Variants in SPAG1 observed in about 807,000 individuals in gnomAD.
SPAG1 encodes the protein sperm associated antigen 1.
In SPAG1, 69 loss-of-function variants were observed where a neutral mutation model predicts 100.5. The ratio of observed to expected loss-of-function variants is 0.69; its 90% confidence interval spans 0.57 to 0.84. The LOEUF (loss-of-function observed/expected upper bound fraction) is 0.84, where lower values mean the gene tolerates loss of function less well. Among genes scored for constraint, SPAG1 ranks in the 40% least tolerant of loss-of-function variants. The pLI, the probability that SPAG1 is intolerant of heterozygous loss-of-function variation, is 0.00. For synonymous variants in SPAG1, 336 were observed against 411.6 expected (o/e 0.82, Z 2.22); for missense variants, 955 against 1,133.1 (o/e 0.84, Z 2.26).
Position 100,203,372 on chromosome 8 carries a change from C to A in SPAG1, c.1096+9104C>A, listed in dbSNP as rs536744616. 3.3e-5 allele frequency among the ~76,000 whole-genome samples: 5 copies of A among 152,106 alleles called. No individual in the cohort carries two copies. In the South Asian group the frequency reaches 1.0e-3, roughly 32 times the overall value. Reference sequence around the variant, plus strand: ...TATTAGTTCTGTCCCTCTAGAGAAACCTGACTAGTATAGATTTTAGTACCC... The same window carrying A: ...TATTAGTTCTGTCCCTCTAGAGAAAACTGACTAGTATAGATTTTAGTACCC... On this transcript the variant is annotated intron_variant, in intron 10 of 18. Transcript: ENST00000388798.
At position 100,236,875 on chromosome 8, in the gene SPAG1, A is replaced by C. The variant is rs540734887; in HGVS notation, c.2116-2365A>C. Among the ~76,000 whole-genome samples, 9 of 152,346 alleles carry C rather than the reference A, an allele frequency of 5.9e-5. 2 individuals are homozygous for C. The highest frequency in any genetic ancestry group is 1.9e-4 in the African/African-American group (8 of 41,576). ...AAGAGGATGCTGTAGAGGATGATAC[A>C]TACAATTGTTATGTATCAATACAAA... On this transcript the variant is annotated intron_variant, in intron 16 of 18. Transcript: ENST00000388798.
At chr8:100,200,038 G>A (rs879463655) in intron 10 of SPAG1, among the ~76,000 whole-genome samples, 12 of 151,846 alleles carry the variant, frequency 7.9e-5, no homozygotes, top group Non-Finnish European at 1.8e-4. Context: ...ATGTTGGTGT[G>A]CTGCACCCAT....
Position 100,183,966 on chromosome 8 carries a change from G to A in SPAG1, c.499G>A (p.Glu167Lys). 6.6e-7 allele frequency: 1 copy of A among 1,512,916 alleles called. No homozygotes were observed. 93.7% of individuals were successfully genotyped at this position (1,512,916 alleles called of 1,614,324 possible). A position where few individuals can be genotyped will look rare whatever the true frequency, so the allele number is the denominator to read the frequency against. The part of the protein sequence containing the change: ...DYAEWDKFDV[E>K]KECLKIDEDY... The stretch of plus-strand genomic sequence containing the variant: ...GTTCTTTCATTTAAGATTTGACGTG[G>A]AGAAGGAATGTTTAAAAATTGATGA... The change falls in exon 6 of 19, where the codon GAG (glutamate) becomes AAG (lysine). Residue 167 changes from glutamate (E) to lysine (K), a missense_variant. By Grantham distance (56) the Glu-to-Lys change is moderately conservative. Coordinates refer to ENST00000388798, the MANE Select transcript of SPAG1 (RefSeq NM_003114.5).
At chr8:100,195,184 G>GA (rs974483481) in intron 10 of SPAG1, among the ~76,000 whole-genome samples, 1 of 148,734 alleles carries the variant, frequency 6.7e-6, no homozygotes, top group African/African-American at 2.5e-5. Flanking sequence ...AAAAGAAAAA[G>GA]AAAAAAAGGT....
At chr8:100,168,675 A>G (rs1815674509) in intron 3 of SPAG1, among the ~76,000 whole-genome samples, 1 of 78,118 alleles carries the variant, frequency 1.3e-5, no homozygotes. Context: ...ATGAGCCACC[A>G]TGCCCAGCCA....
intron 3 of SPAG1, among the ~76,000 whole-genome samples, chr8:100,176,907 C>T (rs1020187892): frequency 3.6e-5 from 5 of 137,164 alleles, no homozygotes; most frequent in Non-Finnish European, 6.3e-5. Flanking sequence ...CCCTCCCTCT[C>T]TCCTTTTCCC....
At chr8:100,216,592 AGCTGTTTTCTAGGCAAGGAACCTG>A (rs1442324225) in intron 12 of SPAG1, among the ~76,000 whole-genome samples, 2 of 152,038 alleles carry the variant, frequency 1.3e-5, no homozygotes, top group African/African-American at 4.8e-5. Flanking sequence ...TAACCTTAAG[AGCTGTTTTCTAGGCAAGGAACCTG>A]GCCTTGCTGG....
At chr8:100,175,583 C>T (rs1586407899) in intron 3 of SPAG1, among the ~76,000 whole-genome samples, 2 of 152,126 alleles carry the variant, frequency 1.3e-5, no homozygotes, top group Non-Finnish European at 2.9e-5. Flanking sequence ...CCGCACCCAG[C>T]TAGCACGCAG....
At position 100,170,830 on chromosome 8, in the gene SPAG1, TTTATTTA is replaced by T. The variant is rs1286477485; in HGVS notation, c.300+4860_300+4866del. Among the ~76,000 whole-genome samples the T allele has an allele frequency of 1.0e-4, 15 of 149,712 alleles. No individual in the cohort carries two copies. In the East Asian group the frequency reaches 1.2e-3, roughly 12 times the overall value. On this transcript the variant is annotated intron_variant, in intron 3 of 18. Transcript: ENST00000388798. ...ATTTATTTATTTATTTATTTATTTA[TTTATTTA>T]TTTATTTATTTATTTTTTACTTGCT...
intron 3 of SPAG1, among the ~76,000 whole-genome samples, chr8:100,166,485 G>C (rs1563768760): frequency 6.6e-6 from 1 of 151,816 alleles, no homozygotes; most frequent in African/African-American, 2.4e-5. Flanking sequence ...TCGAACTCCT[G>C]ACCTCAGGTG....
intron 3 of SPAG1, among the ~76,000 whole-genome samples, chr8:100,173,511 C>G (rs1815973165): frequency 6.6e-6 from 1 of 152,052 alleles, no homozygotes; most frequent in African/African-American, 2.4e-5. Context: ...TGCTGTATCC[C>G]AGTGCTTTTA....
chr8:100,229,704 C>T (rs1225143380), intron 14 of SPAG1, among the ~76,000 whole-genome samples: 3 of 152,344 alleles, frequency 2.0e-5, no homozygotes, highest in East Asian at 3.9e-4. Flanking sequence ...AGCAGGGTAT[C>T]AGCCATGTTC....
At chr8:100,169,988 A>AG (rs1815745859) in intron 3 of SPAG1, among the ~76,000 whole-genome samples, 3 of 151,820 alleles carry the variant, frequency 2.0e-5, no homozygotes, top group African/African-American at 7.3e-5. Context: ...AGGCTGGAAA[A>AG]AAAAAAGAGA....
intron 12 of SPAG1, among the ~76,000 whole-genome samples, chr8:100,215,482 T>G (rs1817938802): frequency 6.6e-6 from 1 of 152,212 alleles, no homozygotes; most frequent in Non-Finnish European, 1.5e-5. Context: ...GGACACTGTT[T>G]ATAAGGTGAG....
At chr8:100,234,544 G>A (rs950691333) in intron 16 of SPAG1, among the ~76,000 whole-genome samples, 10 of 152,254 alleles carry the variant, frequency 6.6e-5, no homozygotes, top group African/African-American at 2.2e-4. Context: ...GCTTCTTTCA[G>A]CATAACCTGA....
chr8:100,162,451 G>A (rs1288506383), intron 2 of SPAG1, 31 bp downstream of exon 2: 2 of 1,514,008 alleles, frequency 1.3e-6, no homozygotes, highest in South Asian at 1.3e-5. Context: ...ACATGTTTTA[G>A]TATGACAGTT....
intron 6 of SPAG1, 73 bp from the exon 7 acceptor site, chr8:100,184,555 C>G: frequency 2.9e-6 from 2 of 680,396 alleles, no homozygotes; most frequent in Middle Eastern, 2.6e-4. Context: ...TTAAAATAAG[C>G]ATTCTTAGAT....
intron 10 of SPAG1, chr8:100,194,726 G>T (rs554728377): frequency 8.0e-6 from 2 of 249,582 alleles, no homozygotes; most frequent in East Asian, 1.5e-4. Context: ...ATATGCAAAA[G>T]AAATAAGTAT....
intron 10 of SPAG1, among the ~76,000 whole-genome samples, chr8:100,212,543 G>T (rs1034441248): frequency 9.9e-5 from 15 of 152,076 alleles, no homozygotes; most frequent in African/African-American, 2.4e-5. Context: ...GTGTTTTTAA[G>T]GCTCCCTTTA....
Sources: gnomAD v4.1 joint callset for allele counts (sites outside exome capture counted in the v4.1 genomes callset) on GRCh38, gnomAD v4.1.1 for gene constraint, MANE v1.5 for transcripts, NCBI Gene and HGNC (gene_info 2026-07-23, HGNC 2026-07-21) for gene names.